Variants in SLC17A5 observed in about 807,000 individuals in gnomAD.
The protein encoded by SLC17A5 is sialin.
In SLC17A5, 47 loss-of-function variants were observed where a neutral mutation model predicts 59.4. That is an observed-to-expected ratio of 0.79 (90% CI 0.63 to 1.01). The LOEUF (loss-of-function observed/expected upper bound fraction) is 1.01. SLC17A5 is among the 50% of genes least tolerant of loss of function. The pLI, the probability that SLC17A5 is intolerant of heterozygous loss-of-function variation, is 0.00. For synonymous variants in SLC17A5, 202 were observed against 210.7 expected, an observed-to-expected ratio of 0.96 and a Z score of 0.36; for missense variants, 522 against 595.5, an observed-to-expected ratio of 0.88 and a Z score of 1.28.
intron 9 of SLC17A5, among the ~76,000 whole-genome samples, chr6:73,601,547 C>T (rs1232951700): frequency 4.2e-5 from 4 of 95,686 alleles, no homozygotes; most frequent in Admixed American, 9.0e-5. Context: ...CCAACCCGTC[C>T]GGGAGGTGAG....
intron 8 of SLC17A5, among the ~76,000 whole-genome samples, chr6:73,614,149 C>T (rs1248125645): frequency 6.6e-6 from 1 of 152,142 alleles, no homozygotes; most frequent in Admixed American, 6.6e-5. Flanking sequence ...GCCTGTAGTC[C>T]TAGCTACTCA....
At chr6:73,605,301 G>A (rs2150082268) in intron 9 of SLC17A5, among the ~76,000 whole-genome samples, 1 of 152,290 alleles carries the variant, frequency 6.6e-6, no homozygotes, top group South Asian at 2.1e-4. Context: ...CTGTAGGAAA[G>A]ATAAATTTTC....
rs1291191349 is a variant in SLC17A5, at chr6:73,653,902, A to C, written c.-16T>G. 1.9e-6 allele frequency: 3 copies of C among 1,595,398 alleles called. No homozygotes were observed. On this transcript the variant is annotated 5_prime_UTR_variant, in exon 1 of 11. Transcript: ENST00000355773. ...GAGACCTCATGACGCCTACGTGAGC[A>C]GGTGTACTCGCCACCTGGCAGAGAA...
At chr6:73,614,968 CCGGT>C (rs1767790133) in intron 8 of SLC17A5, among the ~76,000 whole-genome samples, 1 of 152,122 alleles carries the variant, frequency 6.6e-6, no homozygotes, top group Non-Finnish European at 1.5e-5. Context: ...TGATTTATAG[CCGGT>C]CAGTCAGAAG....
intron 10 of SLC17A5, among the ~76,000 whole-genome samples, chr6:73,598,832 A>G (rs1021079496): frequency 1.3e-5 from 2 of 151,274 alleles, no homozygotes; most frequent in Non-Finnish European, 2.9e-5. Context: ...TAAAAATACA[A>G]AATTAGCTGG....
chr6:73,596,857 A>AAAAACAAAACAAAAC (rs57573396), intron 10 of SLC17A5, among the ~76,000 whole-genome samples: 39 of 149,162 alleles, frequency 2.6e-4, no homozygotes, highest in Middle Eastern at 3.5e-3. Context: ...ACTCCCTCTC[A>AAAAACAAAACAAAAC]AAAACAAAAC....
chr6:73,641,230 C>G (rs1461750161), intron 3 of SLC17A5, among the ~76,000 whole-genome samples: 1 of 152,126 alleles, frequency 6.6e-6, no homozygotes, highest in East Asian at 1.9e-4. Context: ...CAGGTGTGCA[C>G]CACCATGCCC....
At chr6:73,641,205 G>T (rs539653538) in intron 3 of SLC17A5, among the ~76,000 whole-genome samples, 1 of 152,000 alleles carries the variant, frequency 6.6e-6, no homozygotes, top group African/African-American at 2.4e-5. Context: ...TCATCCTCCC[G>T]AGTAGCTGCA....
chr6:73,644,177 G>T (rs977814602), intron 2 of SLC17A5, among the ~76,000 whole-genome samples: 2 of 152,136 alleles, frequency 1.3e-5, no homozygotes, highest in Non-Finnish European at 2.9e-5. Context: ...TTTATAGAGG[G>T]AATGGAAGAA....
At chr6:73,633,741 G>A (rs1009841886) in intron 6 of SLC17A5, among the ~76,000 whole-genome samples, 1 of 151,814 alleles carries the variant, frequency 6.6e-6, no homozygotes, top group African/African-American at 2.4e-5. Context: ...TTAGCTGGGA[G>A]TGGTGGCATG....
chr6:73,605,264 C>T (rs1767340965), intron 9 of SLC17A5, among the ~76,000 whole-genome samples: 1 of 152,082 alleles, frequency 6.6e-6, no homozygotes, highest in Non-Finnish European at 1.5e-5. Context: ...TTAAAAAAAA[C>T]AAAACACAGT....
At chr6:73,653,232 C>A in intron 1 of SLC17A5, 1 of 985,388 alleles carries the variant, frequency 1.0e-6, no homozygotes, top group Non-Finnish European at 1.2e-6. Context: ...AACTCCAGTC[C>A]TTTTTTGTCT....
At chr6:73,619,417 G>A (rs1001926074) in intron 7 of SLC17A5, among the ~76,000 whole-genome samples, 4 of 152,104 alleles carry the variant, frequency 2.6e-5, no homozygotes, top group Non-Finnish European at 5.9e-5. Context: ...GCCAGGCAGG[G>A]TGGTTCATGC....
chr6:73,639,767 T>C (rs1386008870), intron 3 of SLC17A5, among the ~76,000 whole-genome samples: 1 of 152,148 alleles, frequency 6.6e-6, no homozygotes, highest in Non-Finnish European at 1.5e-5. Context: ...AGTTGTTGGC[T>C]GGACACGGTG....
rs1217819692 is a variant in SLC17A5, at chr6:73,653,890, G to A, written c.-4C>T. ...GGTCTCGAACCGGAGACCTCATGAC[G>A]CCTACGTGAGCAGGTGTACTCGCCA... On this transcript the variant is annotated 5_prime_UTR_variant, in exon 1 of 11. Coordinates refer to ENST00000355773, the MANE Select transcript of SLC17A5 (RefSeq NM_012434.5). 6.2e-7 allele frequency: 1 copy of A among 1,602,438 alleles called. No individual in the cohort carries two copies. Among genetic ancestry groups the A allele is most frequent in the Non-Finnish European group, 8.5e-7 (1 of 1,174,904 alleles).
At chr6:73,602,729 C>A (rs12212380) in intron 9 of SLC17A5, among the ~76,000 whole-genome samples, 58,461 of 149,514 alleles carry the variant, frequency 0.39, 11,816 homozygotes, top group African/African-American at 0.48. Context: ...GAGCAGAGAT[C>A]GCGCCACTGC....
At chr6:73,595,360 T>A in intron 10 of SLC17A5, 146 bp from the exon 11 acceptor site, 1 of 812,862 alleles carries the variant, frequency 1.2e-6, no homozygotes, top group Non-Finnish European at 2.0e-6. Flanking sequence ...CCACCAGCAG[T>A]AGGATAGTGG....
At chr6:73,636,294 AAAAAAC>A (rs201026203) in intron 5 of SLC17A5, among the ~76,000 whole-genome samples, 22,881 of 151,454 alleles carry the variant, frequency 0.15, 2,524 homozygotes, top group African/African-American at 0.31. Context: ...AAAAAAAAAA[AAAAAAC>A]ATTAAAACTA....
intron 1 of SLC17A5, among the ~76,000 whole-genome samples, chr6:73,649,749 T>C (rs1769757872): frequency 7.0e-6 from 1 of 143,316 alleles, no homozygotes; most frequent in African/African-American, 2.4e-5. Flanking sequence ...CTGTGAATTA[T>C]TATGGGTTTT....
Sources: gnomAD v4.1 joint callset for allele counts (sites outside exome capture counted in the v4.1 genomes callset) on GRCh38, gnomAD v4.1.1 for gene constraint, MANE v1.5 for transcripts, NCBI Gene and HGNC (gene_info 2026-07-23, HGNC 2026-07-21) for gene names.